The following ZNF407 variants were observed in gnomAD, a reference collection of about 807,000 sequenced individuals.
The protein encoded by ZNF407 is zinc finger protein 407.
ZNF407 carries 17 observed loss-of-function variants against 131.2 expected under a neutral mutation model. The observed-to-expected ratio is 0.13, with a 90% CI of 0.09 to 0.19. The LOEUF is 0.19. ZNF407 is among the 10% of genes least tolerant of loss of function. ZNF407 has a pLI of 1.00. For missense variants in ZNF407, 2,681 were observed against 2,830.6 expected (o/e 0.95, Z 1.20); for synonymous variants, 1,156 against 1,062.0 (o/e 1.09, Z -1.72).
chr18:74,609,630 T>G (rs911582855), intron 1 of ZNF407, among the ~76,000 whole-genome samples: 2 of 152,212 alleles, frequency 1.3e-5, no homozygotes, highest in African/African-American at 4.8e-5. Context: ...CCTAGGAGAT[T>G]ACACTTTTGT....
intron 4 of ZNF407, among the ~76,000 whole-genome samples, chr18:74,873,706 G>C (rs1447200285): frequency 6.6e-6 from 1 of 150,714 alleles, no homozygotes; most frequent in Admixed American, 6.6e-5. Flanking sequence ...GTAAGACCCT[G>C]GCTCTTAAAA....
intron 4 of ZNF407, among the ~76,000 whole-genome samples, chr18:74,856,398 G>C (rs1316571966): frequency 6.6e-6 from 1 of 152,108 alleles, no homozygotes; most frequent in Admixed American, 6.6e-5. Context: ...AAACATTTAT[G>C]ACTATAAATT....
At chr18:74,642,580 C>G (rs1984773072) in intron 3 of ZNF407, among the ~76,000 whole-genome samples, 1 of 152,036 alleles carries the variant, frequency 6.6e-6, no homozygotes, top group Non-Finnish European at 1.5e-5. Context: ...AAGAAGAAAG[C>G]TTTTCACAGA....
At chr18:74,603,859 C>A (rs12327310) in intron 1 of ZNF407, among the ~76,000 whole-genome samples, 106,011 of 152,076 alleles carry the variant, frequency 0.7, 37,459 homozygotes, top group East Asian at 0.98. Flanking sequence ...GTAATATTTT[C>A]TATTATGGAT....
chr18:74,898,332 T>G (rs17055862), intron 7 of ZNF407: 1 of 152,238 alleles, frequency 6.6e-6, no homozygotes, highest in South Asian at 2.1e-4. Context: ...CACAAATTTT[T>G]TGTTGGATTT....
intron 1 of ZNF407, among the ~76,000 whole-genome samples, chr18:74,608,785 G>T (rs1442327823): frequency 2.0e-5 from 3 of 152,184 alleles, no homozygotes; most frequent in Non-Finnish European, 4.4e-5. Flanking sequence ...TTTTTGGTGG[G>T]AATACTAGCA....
At chr18:74,752,904 C>A (rs567879020) in intron 3 of ZNF407, among the ~76,000 whole-genome samples, 2 of 152,244 alleles carry the variant, frequency 1.3e-5, no homozygotes, top group East Asian at 3.9e-4. Context: ...TTTTCCAATT[C>A]TGTGAAGAAA....
intron 7 of ZNF407, among the ~76,000 whole-genome samples, chr18:74,902,628 ATTAC>A (rs1418885233): frequency 6.6e-6 from 1 of 152,158 alleles, no homozygotes; most frequent in Non-Finnish European, 1.5e-5. Context: ...ACTCTTCTCT[ATTAC>A]TTTTTCTTCA....
intron 1 of ZNF407, among the ~76,000 whole-genome samples, chr18:74,612,589 A>C (rs768513201): frequency 5.3e-5 from 8 of 152,182 alleles, no homozygotes; most frequent in Non-Finnish European, 1.0e-4. Flanking sequence ...TAGAGATATG[A>C]AAAAGAAGAC....
At chr18:74,961,621 G>T (rs1972346004) in intron 8 of ZNF407, among the ~76,000 whole-genome samples, 1 of 151,938 alleles carries the variant, frequency 6.6e-6, no homozygotes, top group Non-Finnish European at 1.5e-5. Flanking sequence ...TCGGGAGGCT[G>T]AGGTGGAAGG....
intron 7 of ZNF407, among the ~76,000 whole-genome samples, chr18:74,900,967 A>G (rs1046023892): frequency 2.0e-5 from 3 of 152,076 alleles, no homozygotes; most frequent in South Asian, 2.1e-4. Flanking sequence ...AGTGTGTCCT[A>G]CGAGAGGAAT....
chr18:74,985,233 AC>A (rs1411466746), intron 8 of ZNF407, among the ~76,000 whole-genome samples: 1 of 152,192 alleles, frequency 6.6e-6, no homozygotes, highest in Non-Finnish European at 1.5e-5. Context: ...GGTAATTTTT[AC>A]CTCCTTAAAA....
chr18:75,036,373 A>T (rs970184447), intron 8 of ZNF407, among the ~76,000 whole-genome samples: 1 of 152,152 alleles, frequency 6.6e-6, no homozygotes, highest in Admixed American at 6.5e-5. Context: ...CTGACTGAGC[A>T]TGGTGCCCTC....
chr18:74,930,605 T>C (rs1971971892), intron 8 of ZNF407, among the ~76,000 whole-genome samples: 1 of 152,234 alleles, frequency 6.6e-6, no homozygotes, highest in Non-Finnish European at 1.5e-5. Flanking sequence ...AGTTGGTTCC[T>C]TCTTTCCCAG....
intron 8 of ZNF407, among the ~76,000 whole-genome samples, chr18:74,995,999 A>G (rs1972776122): frequency 6.6e-6 from 1 of 152,262 alleles, no homozygotes; most frequent in Non-Finnish European, 1.5e-5. Flanking sequence ...TTTAAAGTAA[A>G]TTCTTTCAAA....
intron 8 of ZNF407, among the ~76,000 whole-genome samples, chr18:75,020,638 A>T (rs945652142): frequency 5.3e-5 from 8 of 152,216 alleles, no homozygotes; most frequent in Admixed American, 3.9e-4. Context: ...TTTCTATATT[A>T]GAGCTATAAT....
chr18:74,982,072 G>A (rs904122785), intron 8 of ZNF407, among the ~76,000 whole-genome samples: 1 of 152,220 alleles, frequency 6.6e-6, no homozygotes, highest in Non-Finnish European at 1.5e-5. Context: ...TTTTCAGAGA[G>A]CTACCAATAC....
In ZNF407 at chr18:75,064,022, G is replaced by A. The variant is rs200271129; in HGVS notation, c.6301G>A (p.Gly2101Ser). ...TAAAGQLVKD[G>S]VTQVVVSEEG... is the part of the protein sequence containing the mutation. ...CGCGGCCGGCCAGTTGGTCAAGGACGGTGTCACCCAGGTGGTGGTGAGCGA... is the reference window on the plus strand; with the variant it reads ...CGCGGCCGGCCAGTTGGTCAAGGACAGTGTCACCCAGGTGGTGGTGAGCGA... The change falls in exon 9 of 9, where the codon GGT (glycine) becomes AGT (serine). Residue 2101 changes from glycine to serine, a missense_variant. By Grantham distance (56) the Gly-to-Ser change is moderately conservative. This residue lies in a region of ZNF407 where 620 missense variants were observed against 583.1 expected (regional missense o/e 1.06). Coordinates refer to ENST00000299687, the MANE Select transcript of ZNF407 (RefSeq NM_017757.3). 2.1e-4 allele frequency: 333 copies of A among 1,605,982 alleles called. 2 individuals carry two copies. In the Middle Eastern group the frequency reaches 3.1e-3, roughly 15 times the overall value.
At chr18:74,694,652 T>C (rs1187796235) in intron 3 of ZNF407, among the ~76,000 whole-genome samples, 2 of 152,128 alleles carry the variant, frequency 1.3e-5, no homozygotes, top group Non-Finnish European at 2.9e-5. Flanking sequence ...GTCCCTGCAC[T>C]GTGCTCCTGG....
Sources: gnomAD v4.1 joint callset for allele counts (sites outside exome capture counted in the v4.1 genomes callset) on GRCh38, gnomAD v4.1.1 for gene constraint, gnomAD v4.1.1 regional missense constraint, MANE v1.5 for transcripts, NCBI Gene and HGNC (gene_info 2026-07-23, HGNC 2026-07-21) for gene names.